PTPRC: variants seen among roughly 807,000 people sequenced by gnomAD.
PTPRC encodes protein tyrosine phosphatase receptor type C, also known as receptor-type tyrosine-protein phosphatase C.
PTPRC carries 44 observed loss-of-function variants against 155.9 expected under a neutral mutation model. That is an observed-to-expected ratio of 0.28 (90% CI 0.22 to 0.36). The LOEUF (loss-of-function observed/expected upper bound fraction) is 0.36. Ranked by LOEUF, PTPRC falls within the 10% of genes least tolerant of loss-of-function variation. The probability of loss-of-function intolerance (pLI) is 1.00; values close to 1 mark genes in which losing one functional copy is unlikely to be tolerated. For missense variants in PTPRC, 1,401 were observed against 1,564.6 expected, an observed-to-expected ratio of 0.90 and a Z score of 1.76; for synonymous variants, 525 against 533.1, an observed-to-expected ratio of 0.98 and a Z score of 0.21.
In PTPRC at chr1:198,749,504, T is replaced by C; in HGVS notation, c.3027T>C (p.Ser1009=). 1.2e-6 allele frequency: 2 copies of C among 1,610,566 alleles called. No individual in the cohort carries two copies. The highest frequency in any genetic ancestry group is 1.7e-6 in the Non-Finnish European group (2 of 1,177,814). Reference sequence around the variant, plus strand: ...CAGATGAATCCTCTGATGATGACAGTGATTCAGAGGAACCAAGCAAATACA... The same window carrying C: ...CAGATGAATCCTCTGATGATGACAGCGATTCAGAGGAACCAAGCAAATACA... ...HDSDESSDDD[S]DSEEPSKYIN... is the part of the protein sequence containing the mutation. The change falls in exon 28 of 33, where the codon AGT becomes AGC. Residue 1009 remains serine, a synonymous_variant. Coordinates refer to ENST00000442510, the MANE Select transcript of PTPRC (RefSeq NM_002838.5).
intron 2 of PTPRC, among the ~76,000 whole-genome samples, chr1:198,658,774 A>G (rs767971419): frequency 2.6e-5 from 4 of 152,184 alleles, no homozygotes; most frequent in Admixed American, 1.3e-4. Flanking sequence ...AATTATGACA[A>G]TTTGTGTCCC....
At position 198,645,335 on chromosome 1, in the gene PTPRC, T is replaced by C. The variant is rs942367000; in HGVS notation, c.73+5994T>C. On this transcript the variant is annotated intron_variant, in intron 2 of 32. Coordinates refer to ENST00000442510, the MANE Select transcript of PTPRC (RefSeq NM_002838.5). ...TCATGGCAATACAGTGTGGCCACTA[T>C]ATTTTAAACACATCCACTTGATGAA... Among the ~76,000 whole-genome samples, 11 of 151,848 alleles carry C rather than the reference T, an allele frequency of 7.2e-5. 1 individual carries two copies. The highest frequency in any genetic ancestry group is 2.9e-5 in the Non-Finnish European group (2 of 67,836).
At chr1:198,695,399 CA>C (rs1666150796) in intron 3 of PTPRC, among the ~76,000 whole-genome samples, 1 of 89,488 alleles carries the variant, frequency 1.1e-5, no homozygotes, top group Non-Finnish European at 2.3e-5. Flanking sequence ...TTTTGCTTTT[CA>C]AAAAGTAAAT....
In PTPRC at chr1:198,756,043, T is replaced by C. The variant is rs750849596; in HGVS notation, c.3783T>C (p.Cys1261=). Reference sequence around the variant, plus strand: ...ACAAAGTAAAGCAGGATGCTAATTGTGTTAATCCACTTGGTGCCCCAGAAA... The same window carrying C: ...ACAAAGTAAAGCAGGATGCTAATTGCGTTAATCCACTTGGTGCCCCAGAAA... ...EVDKVKQDAN[C]VNPLGAPEKL... Residue 1261 remains cysteine (C), a synonymous_variant, in exon 33 of 33, where the codon TGT becomes TGC. Coordinates refer to ENST00000442510, the MANE Select transcript of PTPRC (RefSeq NM_002838.5). 2 of 1,613,352 alleles carry C rather than the reference T, an allele frequency of 1.2e-6. No individual in the cohort carries two copies. The highest frequency in any genetic ancestry group is 1.7e-6 in the Non-Finnish European group (2 of 1,179,676).
At chr1:198,696,162 A>G (rs1666190522) in intron 3 of PTPRC, among the ~76,000 whole-genome samples, 1 of 141,662 alleles carries the variant, frequency 7.1e-6, no homozygotes, top group African/African-American at 2.5e-5. Flanking sequence ...CTGTCTCAAA[A>G]AGAAAATATA....
intron 15 of PTPRC, among the ~76,000 whole-genome samples, chr1:198,723,762 T>G (rs547251187): frequency 6.6e-6 from 1 of 152,316 alleles, no homozygotes; most frequent in East Asian, 1.9e-4. Flanking sequence ...GCAGCGGGAA[T>G]CCTTGCAGCA....
chr1:198,658,999 A>C (rs1663773706), intron 2 of PTPRC, among the ~76,000 whole-genome samples: 2 of 152,202 alleles, frequency 1.3e-5, no homozygotes, highest in Non-Finnish European at 2.9e-5. Context: ...TAAGGAAAAG[A>C]ATTTTCTTTC....
In PTPRC at chr1:198,694,369, A is replaced by G. The variant is rs555786571; in HGVS notation, c.100+1996A>G. 4.2e-5 allele frequency: 44 copies of G among 1,046,540 alleles called. No homozygotes were observed. The African/African-American group carries it at 6.6e-4, about 16-fold the overall frequency. The allele number at this position is 1,046,540 out of a possible 1,614,324, so 64.8% of individuals were successfully genotyped here. On this transcript the variant is annotated intron_variant, in intron 3 of 32. Transcript: ENST00000442510. ...TCTGCCTCCCCCAGTCCACTGACTC[A>G]AATGTTAATCTCCCTTGGCAATACG...
intron 20 of PTPRC, among the ~76,000 whole-genome samples, chr1:198,733,442 T>A (rs1170223712): frequency 2.0e-5 from 3 of 151,776 alleles, no homozygotes; most frequent in Non-Finnish European, 4.4e-5. Flanking sequence ...TAATGTGTCA[T>A]GAGATAGAAG....
intron 2 of PTPRC, among the ~76,000 whole-genome samples, chr1:198,640,533 T>A (rs1283325606): frequency 1.3e-5 from 2 of 151,968 alleles, no homozygotes; most frequent in South Asian, 2.1e-4. Flanking sequence ...GTGAATTTTT[T>A]AAAAATCTAT....
chr1:198,740,581 C>CAA (rs34564064), intron 23 of PTPRC, among the ~76,000 whole-genome samples: 22 of 149,226 alleles, frequency 1.5e-4, no homozygotes, highest in South Asian at 4.3e-4. Flanking sequence ...GACTTTATCT[C>CAA]AAAAAAAAAG....
At chr1:198,695,382 T>TA (rs1318182903) in intron 3 of PTPRC, among the ~76,000 whole-genome samples, 1 of 121,096 alleles carries the variant, frequency 8.3e-6, no homozygotes, top group East Asian at 2.0e-4. Context: ...AATATTTAAA[T>TA]TTTTTTTTTT....
Position 198,744,131 on chromosome 1 carries a change from A to G in PTPRC, c.2775A>G (p.Leu925=). 1.2e-6 allele frequency: 2 copies of G among 1,605,058 alleles called. No individual in the cohort carries two copies. Among genetic ancestry groups the G allele is most frequent in the Admixed American group, 1.7e-5 (1 of 59,766 alleles). ...FGETEVNLSE[L]HPYLHNMKKR... is the part of the protein sequence containing the mutation. Reference sequence around the variant, plus strand: ...AAACAGAAGTGAATTTGTCTGAATTACATCCATATCTACATAACATGAAGA... The same window carrying G: ...AAACAGAAGTGAATTTGTCTGAATTGCATCCATATCTACATAACATGAAGA... The change falls in exon 26 of 33, where the codon TTA becomes TTG. Residue 925 remains leucine, a synonymous_variant. Coordinates refer to ENST00000442510, the MANE Select transcript of PTPRC (RefSeq NM_002838.5).
chr1:198,707,891 C>G (rs976290215), intron 9 of PTPRC, among the ~76,000 whole-genome samples: 3 of 152,102 alleles, frequency 2.0e-5, no homozygotes, highest in South Asian at 4.1e-4. Context: ...CATTTTTTAA[C>G]GTGGTATAAC....
At chr1:198,702,245 T>G in intron 5 of PTPRC, 142 bp from the exon 6 acceptor site, 2 of 1,042,044 alleles carry the variant, frequency 1.9e-6, no homozygotes, top group Non-Finnish European at 1.5e-6. Context: ...TTCTGTAGAA[T>G]GCATGTGTCG....
At chr1:198,734,128 C>T in intron 20 of PTPRC, 68 bp from the exon 21 acceptor site, 2 of 1,478,684 alleles carry the variant, frequency 1.4e-6, no homozygotes, top group South Asian at 2.3e-5. Flanking sequence ...CTCTAACTCA[C>T]AATTTTTCCT....
At chr1:198,705,223 G>C (rs949299040) in intron 8 of PTPRC, among the ~76,000 whole-genome samples, 24 of 151,852 alleles carry the variant, frequency 1.6e-4, no homozygotes, top group Admixed American at 6.6e-4. Context: ...AACCACTGGA[G>C]TCACTGCCTT....
intron 2 of PTPRC, among the ~76,000 whole-genome samples, chr1:198,665,234 C>T (rs796395192): frequency 3.3e-5 from 5 of 151,224 alleles, no homozygotes; most frequent in African/African-American, 4.8e-5. Flanking sequence ...GGACTACAGG[C>T]GCCCGCCGCC....
chr1:198,693,922 G>T (rs1283858621), intron 3 of PTPRC: 23 of 1,394,720 alleles, frequency 1.6e-5, no homozygotes, highest in Non-Finnish European at 1.8e-5. Flanking sequence ...GTATTAGTCT[G>T]GGTTCTCTAG....
Sources: gnomAD v4.1 joint callset for allele counts (sites outside exome capture counted in the v4.1 genomes callset) on GRCh38, gnomAD v4.1.1 for gene constraint, MANE v1.5 for transcripts, NCBI Gene and HGNC (gene_info 2026-07-23, HGNC 2026-07-21) for gene names.